Variants in ST8SIA4 observed in about 807,000 individuals in gnomAD.
ST8SIA4 encodes ST8 alpha-N-acetyl-neuraminide alpha-2,8-sialyltransferase 4, also known as CMP-N-acetylneuraminate-poly-alpha-2,8-sialyltransferase.
In ST8SIA4, 15 loss-of-function variants were observed where a neutral mutation model predicts 33.9. The ratio of observed to expected loss-of-function variants is 0.44; its 90% CI spans 0.30 to 0.68. The LOEUF is 0.68. ST8SIA4 is among the 30% of genes least tolerant of loss of function. The pLI is 0.10. For synonymous variants in ST8SIA4, 171 were observed against 151.2 expected, an observed-to-expected ratio of 1.13 and a Z score of -0.96; for missense variants, 321 against 428.0, an observed-to-expected ratio of 0.75 and a Z score of 2.21.
In ST8SIA4 at chr5:100,810,082, T is replaced by G; in HGVS notation, c.*1765A>C. 6.6e-6 allele frequency: 1 copy of G among 152,106 alleles called. No individual in the cohort carries two copies. Among genetic ancestry groups the G allele is most frequent in the East Asian group, 1.9e-4 (1 of 5,202 alleles). The allele number at this position is 152,106 out of a possible 1,614,324, so 9.4% of individuals were successfully genotyped here. A position where few individuals can be genotyped will look rare whatever the true frequency, so the allele number is the denominator to read the frequency against. On this transcript the variant is annotated 3_prime_UTR_variant, in exon 5 of 5. Coordinates refer to ENST00000231461, the MANE Select transcript of ST8SIA4 (RefSeq NM_005668.6). ...TTCCTCAAATTGCCTGCCCAAGAAATAAGAAATCAAAGTACAAGTGAGAAT... is the reference window on the plus strand; with the variant it reads ...TTCCTCAAATTGCCTGCCCAAGAAAGAAGAAATCAAAGTACAAGTGAGAAT...
rs115519857 is a variant in ST8SIA4 at position 100,826,285 on chromosome 5, A to G, written c.798-14156T>C. 8.2e-3 allele frequency among the ~76,000 whole-genome samples: 1,255 copies of G among 152,282 alleles called. 14 individuals carry two copies. The highest frequency in any genetic ancestry group is 9.7e-3 in the Non-Finnish European group (661 of 68,016). On this transcript the variant is annotated intron_variant, in intron 4 of 4. Transcript: ENST00000231461. ...ATTTAAGAGCTGACTACATATGCCA[A>G]TGTGGGAAAACATTGCTCCTTTTCA...
chr5:100,882,982 G>GC (rs774655618), intron 3 of ST8SIA4, among the ~76,000 whole-genome samples: 1 of 152,174 alleles, frequency 6.6e-6, no homozygotes, highest in African/African-American at 2.4e-5. Context: ...TGAGGTTGGA[G>GC]CCCCCCACCC....
chr5:100,867,935 C>T (rs1030132196), intron 3 of ST8SIA4, among the ~76,000 whole-genome samples: 5 of 151,926 alleles, frequency 3.3e-5, no homozygotes, highest in Admixed American at 1.3e-4. Context: ...ACATTTATTA[C>T]ACCATACTTA....
At chr5:100,874,312 A>G (rs1305120226) in intron 3 of ST8SIA4, among the ~76,000 whole-genome samples, 3 of 152,116 alleles carry the variant, frequency 2.0e-5, no homozygotes, top group Non-Finnish European at 4.4e-5. Flanking sequence ...TAAGTTGTAA[A>G]ACTCCAGGTA....
At chr5:100,863,507 C>G (rs1424914625) in intron 3 of ST8SIA4, among the ~76,000 whole-genome samples, 1 of 152,108 alleles carries the variant, frequency 6.6e-6, no homozygotes, top group Admixed American at 6.5e-5. Context: ...AAAATCCACT[C>G]ATGGAGTTTA....
intron 3 of ST8SIA4, among the ~76,000 whole-genome samples, chr5:100,859,993 T>A (rs979861172): frequency 1.3e-5 from 2 of 152,116 alleles, no homozygotes; most frequent in Non-Finnish European, 2.9e-5. Context: ...TCTATCCAAT[T>A]TTTTAATTCT....
At chr5:100,878,851 T>C (rs1047035757) in intron 3 of ST8SIA4, among the ~76,000 whole-genome samples, 1 of 152,168 alleles carries the variant, frequency 6.6e-6, no homozygotes, top group Non-Finnish European at 1.5e-5. Context: ...GAAAATCTGA[T>C]TTTTTGTGGT....
chr5:100,831,377 C>T (rs994789519), intron 4 of ST8SIA4, among the ~76,000 whole-genome samples: 3 of 152,170 alleles, frequency 2.0e-5, no homozygotes, highest in Non-Finnish European at 4.4e-5. Context: ...CACATCAAGA[C>T]AATCTCCAAA....
intron 4 of ST8SIA4, among the ~76,000 whole-genome samples, chr5:100,828,250 A>G (rs182072957): frequency 5.3e-5 from 8 of 152,236 alleles, no homozygotes; most frequent in Admixed American, 3.3e-4. Context: ...AACCCTAATG[A>G]GCTGATGAGT....
chr5:100,840,787 GAA>G lies in ST8SIA4; in HGVS notation c.797+15314_797+15315del, dbSNP rs3836753. 5.6e-3 allele frequency among the ~76,000 whole-genome samples: 843 copies of G among 149,562 alleles called. 10 individuals carry two copies. Among genetic ancestry groups the G allele is most frequent in the African/African-American group, 0.019 (779 of 40,700 alleles). On this transcript the variant is annotated intron_variant, in intron 4 of 4. Coordinates refer to ENST00000231461, the MANE Select transcript of ST8SIA4 (RefSeq NM_005668.6). ...GTCTCTAGGTTACTTAAGAATATAAGAAAAAAAAAAAGTCCCCAAAGTTTTCT... is the reference window on the plus strand; with the variant it reads ...GTCTCTAGGTTACTTAAGAATATAAGAAAAAAAAAGTCCCCAAAGTTTTCT...
At chr5:100,874,111 A>G (rs1006069095) in intron 3 of ST8SIA4, among the ~76,000 whole-genome samples, 28 of 152,188 alleles carry the variant, frequency 1.8e-4, no homozygotes, top group Non-Finnish European at 3.7e-4. Flanking sequence ...TACAGATTGT[A>G]TGAGGGAATC....
chr5:100,881,510 T>C (rs1266647531), intron 3 of ST8SIA4, among the ~76,000 whole-genome samples: 1 of 152,192 alleles, frequency 6.6e-6, no homozygotes, highest in Non-Finnish European at 1.5e-5. Context: ...GCAAGGAATT[T>C]TATCTTTTAA....
chr5:100,893,632 T>C (rs924520005), intron 2 of ST8SIA4, among the ~76,000 whole-genome samples: 3 of 152,132 alleles, frequency 2.0e-5, no homozygotes, highest in Non-Finnish European at 4.4e-5. Context: ...ATATAGCCTA[T>C]TTATAGTATT....
At chr5:100,823,037 G>A (rs567090783) in intron 4 of ST8SIA4, among the ~76,000 whole-genome samples, 6 of 152,132 alleles carry the variant, frequency 3.9e-5, no homozygotes, top group East Asian at 1.9e-4. Flanking sequence ...GGGCTGAGGG[G>A]GGAGAATGGT....
rs533361097 is a variant in ST8SIA4, at chr5:100,810,950, G to C, written c.*897C>G. On this transcript the variant is annotated 3_prime_UTR_variant, in exon 5 of 5. Transcript: ENST00000231461. ...CCCAGCACTTTGGGAGGCCAAGGCG[G>C]GTGGATCACGAGGTCAGGAGATTGA... 6.6e-6 allele frequency: 1 copy of C among 152,428 alleles called. No individual in the cohort carries two copies. Among genetic ancestry groups the C allele is most frequent in the South Asian group, 2.1e-4 (1 of 4,828 alleles). 9.4% of individuals were successfully genotyped at this position (152,428 alleles called of 1,614,324 possible). A position where few individuals can be genotyped will look rare whatever the true frequency, so the allele number is the denominator to read the frequency against.
chr5:100,885,592 G>C, intron 3 of ST8SIA4: 3 of 933,090 alleles, frequency 3.2e-6, no homozygotes, highest in Non-Finnish European at 3.8e-6. Flanking sequence ...CTGTCATTTA[G>C]CTAATTTTTC....
chr5:100,875,480 T>C (rs17725086), intron 3 of ST8SIA4, among the ~76,000 whole-genome samples: 5,421 of 152,290 alleles, frequency 0.036, 140 homozygotes, highest in African/African-American at 0.069. Flanking sequence ...TTAATTTCTC[T>C]TTCAAACATT....
At position 100,811,663 on chromosome 5, in the gene ST8SIA4, A is replaced by T; in HGVS notation, c.*184T>A. On this transcript the variant is annotated 3_prime_UTR_variant, in exon 5 of 5. Transcript: ENST00000231461. ...TTACTAGGACCCTTAAAGTCAAAAT[A>T]TTTAATTTTTAGAGCACTTTGCAGG... The T allele has an allele frequency of 1.6e-6, 1 of 614,500 alleles. No homozygotes were observed. The highest frequency in any genetic ancestry group is 2.9e-5 in the East Asian group (1 of 34,286). 38.1% of individuals were successfully genotyped at this position (614,500 alleles called of 1,614,324 possible). A position where few individuals can be genotyped will look rare whatever the true frequency, so the allele number is the denominator to read the frequency against.
At chr5:100,894,869 A>T (rs891544303) in intron 2 of ST8SIA4, among the ~76,000 whole-genome samples, 1 of 152,076 alleles carries the variant, frequency 6.6e-6, no homozygotes, top group Non-Finnish European at 1.5e-5. Flanking sequence ...GGATTATTTT[A>T]TTATATAACG....
Sources: allele counts gnomAD v4.1 joint callset (sites outside exome capture counted in the v4.1 genomes callset), GRCh38; gene constraint gnomAD v4.1.1; transcripts MANE v1.5; gene names NCBI Gene and HGNC (gene_info 2026-07-23, HGNC 2026-07-21).